Variants in RBM34 observed in about 807,000 individuals in gnomAD.
RBM34 encodes RNA-binding protein 34.
In RBM34, 39 loss-of-function variants were observed where a neutral mutation model predicts 44.6. The ratio of observed to expected loss-of-function variants is 0.87; its 90% CI spans 0.68 to 1.14. The LOEUF (loss-of-function observed/expected upper bound fraction) is 1.14. Among genes scored for constraint, RBM34 ranks in the 50% most tolerant of loss-of-function variants. RBM34 has a pLI of 0.00. For synonymous variants in RBM34, 194 were observed against 184.0 expected (o/e 1.05, Z -0.44); for missense variants, 572 against 517.9 (o/e 1.10, Z -1.01).
intron 6 of RBM34, among the ~76,000 whole-genome samples, chr1:235,146,549 A>G (rs1409994182): frequency 6.6e-6 from 1 of 152,222 alleles, no homozygotes; most frequent in Admixed American, 6.5e-5. Context: ...CTAGAAGCTT[A>G]CATAAGAAAC....
intron 6 of RBM34, 148 bp from the exon 7 acceptor site, chr1:235,138,322 A>G: frequency 1.6e-6 from 1 of 615,516 alleles, no homozygotes; most frequent in Non-Finnish European, 2.8e-6. Flanking sequence ...CTTTGAATAA[A>G]TATTTAGTAA....
chr1:235,153,511 C>T (rs922623049), intron 4 of RBM34, among the ~76,000 whole-genome samples: 1 of 151,926 alleles, frequency 6.6e-6, no homozygotes, highest in African/African-American at 2.4e-5. Flanking sequence ...TGCAACCTCC[C>T]CCTCCTGGGT....
At position 235,155,816 on chromosome 1, in the gene RBM34, CATATACATATATATAT is replaced by C. The variant is rs1240561055; in HGVS notation, c.366-720_366-705del. The stretch of plus-strand genomic sequence containing the variant: ...CACCATGTCCAGTCTTTTATACATA[CATATACATATATATAT>C]ATATATATATATATATATATATATA... On this transcript the variant is annotated intron_variant, in intron 3 of 10. Coordinates refer to ENST00000408888, the MANE Select transcript of RBM34 (RefSeq NM_015014.4). Among the ~76,000 whole-genome samples, 15 of 72,724 alleles carry C rather than the reference CATATACATATATATAT, an allele frequency of 2.1e-4. 1 individual carries two copies. Among genetic ancestry groups the C allele is most frequent in the African/African-American group, 8.7e-4 (13 of 14,928 alleles). The allele number at this position is 72,724 out of a possible 152,430, so 47.7% of individuals were successfully genotyped here. A position where few individuals can be genotyped will look rare whatever the true frequency, so the allele number is the denominator to read the frequency against.
intron 3 of RBM34, among the ~76,000 whole-genome samples, chr1:235,155,868 C>CATATATAT (rs1662418400): frequency 8.1e-5 from 2 of 24,752 alleles, no homozygotes; most frequent in African/African-American, 4.2e-4. Flanking sequence ...TATATATATA[C>CATATATAT]ATATATACTT....
intron 6 of RBM34, among the ~76,000 whole-genome samples, chr1:235,143,743 A>G (rs528738553): frequency 6.6e-6 from 1 of 152,254 alleles, no homozygotes; most frequent in South Asian, 2.1e-4. Context: ...ATCACAATAC[A>G]ATACAGTACA....
chr1:235,136,870 G>A (rs1428527036), intron 8 of RBM34, among the ~76,000 whole-genome samples: 3 of 152,164 alleles, frequency 2.0e-5, no homozygotes, highest in Non-Finnish European at 2.9e-5. Flanking sequence ...ATTGTACCAA[G>A]CTCTTGCCAT....
Position 235,136,074 on chromosome 1 carries a change from C to T in RBM34, c.850-1G>A. 6.3e-7 allele frequency: 1 copy of T among 1,599,032 alleles called. No homozygotes were observed. Among genetic ancestry groups the T allele is most frequent in the Non-Finnish European group, 8.6e-7 (1 of 1,169,046 alleles). ...CCACAAAAACCGATCTCTTGTCTCT[C>T]TGAAACAAAAAGACAGTTAATAAAA... On this transcript the variant is annotated splice_acceptor_variant, in intron 8 of 10. Transcript: ENST00000408888. LOFTEE classifies it high-confidence loss of function.
chr1:235,140,325 C>A (rs1293583004), intron 6 of RBM34, among the ~76,000 whole-genome samples: 2 of 152,130 alleles, frequency 1.3e-5, no homozygotes, highest in African/African-American at 2.4e-5. Flanking sequence ...GCGGCGCTTG[C>A]GGGCCAGCTG....
At chr1:235,159,295 T>TA (rs1362927502) in intron 3 of RBM34, among the ~76,000 whole-genome samples, 2 of 151,858 alleles carry the variant, frequency 1.3e-5, no homozygotes, top group Non-Finnish European at 2.9e-5. Flanking sequence ...CTCACGTATG[T>TA]AATCCCAGCA....
rs796633599 is a variant in RBM34, at chr1:235,155,925, AG to A, written c.366-814del. ...AGCTCTGTCTCCCAGACTGGAGTAT[AG>A]TGGCGCAATCTCGGCTCACTGCAAC... On this transcript the variant is annotated intron_variant, in intron 3 of 10. Coordinates refer to ENST00000408888, the MANE Select transcript of RBM34 (RefSeq NM_015014.4). Among the ~76,000 whole-genome samples the A allele has an allele frequency of 1.6e-3, 215 of 136,766 alleles. 1 individual carries two copies. Among genetic ancestry groups the A allele is most frequent in the African/African-American group, 5.8e-3 (205 of 35,066 alleles). 89.7% of individuals were successfully genotyped at this position (136,766 alleles called of 152,430 possible).
chr1:235,134,113 C>T (rs867912384), intron 10 of RBM34, among the ~76,000 whole-genome samples: 6 of 152,276 alleles, frequency 3.9e-5, no homozygotes, highest in African/African-American at 1.4e-4. Flanking sequence ...CCTCGACCTC[C>T]CAAGGTTCAG....
chr1:235,142,044 C>T (rs1661705356), intron 6 of RBM34, among the ~76,000 whole-genome samples: 1 of 152,168 alleles, frequency 6.6e-6, no homozygotes, highest in Admixed American at 6.5e-5. Context: ...CACTCCAGGG[C>T]ACAGAGAAGA....
chr1:235,135,995 T>C (rs1308358883), intron 9 of RBM34, 39 bp downstream of exon 9: 122 of 1,458,514 alleles, frequency 8.4e-5, no homozygotes, highest in Middle Eastern at 1.7e-4. Context: ...TTGTTATTTA[T>C]TTAGTAATAT....
chr1:235,151,546 A>G (rs1662158489), intron 5 of RBM34, among the ~76,000 whole-genome samples: 1 of 152,176 alleles, frequency 6.6e-6, no homozygotes, highest in African/African-American at 2.4e-5. Context: ...ATTCCTGAAG[A>G]TATTTTCCAT....
intron 4 of RBM34, among the ~76,000 whole-genome samples, chr1:235,154,343 G>C (rs1256839701): frequency 6.6e-6 from 1 of 151,698 alleles, no homozygotes; most frequent in Non-Finnish European, 1.5e-5. Context: ...AGGCTAAGGA[G>C]GGCAGATCAC....
In RBM34 at chr1:235,148,294, T is replaced by C. The variant is rs1280065661; in HGVS notation, c.701+110A>G. ...GAAGCAAACAGTCAATCATGCTCTA[T>C]TATCCAAATATATTAATAAAATCTA... is the stretch of plus-strand genomic sequence containing the variant. On this transcript the variant is annotated intron_variant, in intron 6 of 10. Coordinates refer to ENST00000408888, the MANE Select transcript of RBM34 (RefSeq NM_015014.4). 1.1e-5 allele frequency: 8 copies of C among 732,388 alleles called. No homozygotes were observed. In the East Asian group the frequency reaches 2.1e-4, roughly 19 times the overall value. 45.4% of individuals were successfully genotyped at this position (732,388 alleles called of 1,614,324 possible).
chr1:235,141,562 G>A (rs560051148), intron 6 of RBM34, among the ~76,000 whole-genome samples: 9 of 152,302 alleles, frequency 5.9e-5, no homozygotes, highest in African/African-American at 2.2e-4. Context: ...CTAGCCAGCA[G>A]TGGCAAGCCA....
intron 6 of RBM34, among the ~76,000 whole-genome samples, chr1:235,142,434 A>C (rs984635303): frequency 6.6e-6 from 1 of 151,098 alleles, no homozygotes; most frequent in African/African-American, 2.4e-5. Flanking sequence ...GCACGCCACC[A>C]CTCCTGGCTA....
intron 10 of RBM34, among the ~76,000 whole-genome samples, chr1:235,132,414 T>G (rs987083213): frequency 6.6e-6 from 1 of 152,194 alleles, no homozygotes; most frequent in Non-Finnish European, 1.5e-5. Flanking sequence ...GTTCAAGCGA[T>G]TCTCTTGCCT....
Sources: allele counts gnomAD v4.1 joint callset (sites outside exome capture counted in the v4.1 genomes callset), GRCh38; gene constraint gnomAD v4.1.1; transcripts MANE v1.5; gene names NCBI Gene and HGNC (gene_info 2026-07-23, HGNC 2026-07-21).